Variants in PPP1R13L observed in about 807,000 individuals in gnomAD.
The protein encoded by PPP1R13L is protein phosphatase 1 regulatory subunit 13 like, also known as relA-associated inhibitor.
In PPP1R13L, 50 loss-of-function variants were observed where a neutral mutation model predicts 80.9. The observed-to-expected ratio is 0.62, with a 90% CI of 0.49 to 0.78. The LOEUF (loss-of-function observed/expected upper bound fraction) is 0.78. Ranked by LOEUF, PPP1R13L falls within the 30% of genes least tolerant of loss-of-function variation. The probability of loss-of-function intolerance (pLI) is 0.00; values close to 1 mark genes in which losing one functional copy is unlikely to be tolerated. For synonymous variants in PPP1R13L, 602 were observed against 534.3 expected (o/e 1.13, Z -1.75); for missense variants, 1,200 against 1,205.9 (o/e 1.00, Z 0.07).
Position 45,397,000 on chromosome 19 carries a change from C to T in PPP1R13L, c.257G>A (p.Arg86Gln), listed in dbSNP as rs761732935. The change falls in exon 4 of 13, where the codon CGG becomes CAG. Residue 86 changes from arginine (R) to glutamine (Q), a missense_variant. By Grantham distance (43) the Arg-to-Gln change is conservative. Coordinates refer to ENST00000360957, the MANE Select transcript of PPP1R13L (RefSeq NM_006663.4). The surrounding 1 kb of genome is among the most constrained non-coding windows in gnomAD (Gnocchi z 5.3). ...GTCTGCGCCGTCGGTGGCCGCCTTC[C>T]GGGGGGACCCTCGGCTGCCGAAGGG... is the stretch of plus-strand genomic sequence containing the variant. ...PEPFGSRGSP[R>Q]KAATDGADTP... 5 of 1,374,148 alleles carry T rather than the reference C, an allele frequency of 3.6e-6. No homozygotes were observed. The highest frequency in any genetic ancestry group is 1.5e-5 in the African/African-American group (1 of 66,662). 85.1% of individuals were successfully genotyped at this position (1,374,148 alleles called of 1,614,324 possible).
chr19:45,396,613 G>T lies in PPP1R13L; in HGVS notation c.644C>A (p.Ala215Glu), dbSNP rs1451238810. The change falls in exon 4 of 13, where the codon GCG becomes GAG. Residue 215 changes from alanine (A) to glutamate (E), a missense_variant. Around this residue, in one of 5 missense-constraint regions of PPP1R13L, gnomAD observed 764 missense variants for 714.5 expected, o/e 1.07. Coordinates refer to ENST00000360957, the MANE Select transcript of PPP1R13L (RefSeq NM_006663.4). This position sits in a 1 kb window ranked among gnomAD's most constrained non-coding sequence, Gnocchi z 5.3. ...TAGCAGGGAGCTCCCGAAGGCGGACGCTGGCGCGTCGTAGGCTGTGGCAGG... is the reference window on the plus strand; with the variant it reads ...TAGCAGGGAGCTCCCGAAGGCGGACTCTGGCGCGTCGTAGGCTGTGGCAGG... The part of the protein sequence containing the change: ...RPPATAYDAP[A>E]SAFGSSLLGS... 2 of 1,495,266 alleles carry T rather than the reference G, an allele frequency of 1.3e-6. No homozygotes were observed. The allele number at this position is 1,495,266 out of a possible 1,614,324, so 92.6% of individuals were successfully genotyped here.
chr19:45,386,704 C>A (rs1972878206), intron 8 of PPP1R13L, among the ~76,000 whole-genome samples: 2 of 148,834 alleles, frequency 1.3e-5, no homozygotes, highest in African/African-American at 4.9e-5. Flanking sequence ...GGTGTGATCT[C>A]AGCTCACTGC....
intron 8 of PPP1R13L, among the ~76,000 whole-genome samples, chr19:45,391,364 T>C (rs1308760520): frequency 6.6e-6 from 1 of 152,180 alleles, no homozygotes; most frequent in Non-Finnish European, 1.5e-5. Context: ...TGACTCGAGA[T>C]TGCTGAAGGA....
In PPP1R13L at chr19:45,391,993, G is replaced by A. The variant is rs756188321; in HGVS notation, c.1702C>T (p.Pro568Ser). The A allele has an allele frequency of 3.9e-6, 6 of 1,531,274 alleles. No individual in the cohort carries two copies. In the Middle Eastern group the frequency reaches 7.1e-4, roughly 181 times the overall value. The allele number at this position is 1,531,274 out of a possible 1,614,324, so 94.9% of individuals were successfully genotyped here. ...CTGGCCTCAGATCCCTCAGTGATGG[G>A]GGACAGCTCTGGCTCCGGCCCCCCG... ...GPGGPEPELS[P>S]ITEGSEARAG... The change falls in exon 8 of 13, where the codon CCC (proline) becomes TCC (serine). Residue 568 changes from proline to serine, a missense_variant. Physicochemically the swap from Pro to Ser is moderately conservative, Grantham distance 74. Around this residue, in one of 5 missense-constraint regions of PPP1R13L, gnomAD observed 214 missense variants for 199.6 expected, o/e 1.07. Transcript: ENST00000360957.
chr19:45,380,868 T>TA (rs904943481), intron 12 of PPP1R13L, among the ~76,000 whole-genome samples: 4 of 146,614 alleles, frequency 2.7e-5, no homozygotes, highest in Non-Finnish European at 6.0e-5. Context: ...AAAACCAAAA[T>TA]AAAAAAATCT....
intron 8 of PPP1R13L, among the ~76,000 whole-genome samples, chr19:45,390,376 C>T (rs1362529068): frequency 6.6e-6 from 1 of 152,138 alleles, no homozygotes; most frequent in East Asian, 1.9e-4. Context: ...GACCTTGGCG[C>T]CACCATCTGG....
rs767274852 is a variant in PPP1R13L, at chr19:45,396,418, C to T, written c.731G>A (p.Arg244Gln). The change falls in exon 5 of 13, where the codon CGG (arginine) becomes CAG (glutamine). Residue 244 changes from arginine to glutamine, a missense_variant. Physicochemically the swap from Arg to Gln is conservative, Grantham distance 43 (BLOSUM62 1). Coordinates refer to ENST00000360957, the MANE Select transcript of PPP1R13L (RefSeq NM_006663.4). This position sits in a 1 kb window ranked among gnomAD's most constrained non-coding sequence, Gnocchi z 5.3. ...LRAQDDLTLR[R>Q]RPPKAWNESD... is the part of the protein sequence containing the mutation. ...CTCGTTCCAGGCTTTCGGAGGCCGC[C>T]GGCGCAGCGTCAGGTCGTCTGGGGA... 1.2e-6 allele frequency: 2 copies of T among 1,613,914 alleles called. No homozygotes were observed. The highest frequency in any genetic ancestry group is 2.2e-5 in the East Asian group (1 of 44,870).
chr19:45,380,121 G>T lies in PPP1R13L; in HGVS notation c.*69C>A. On this transcript the variant is annotated 3_prime_UTR_variant, in exon 13 of 13. Coordinates refer to ENST00000360957, the MANE Select transcript of PPP1R13L (RefSeq NM_006663.4). ...GTGCAGATAAAGGCAGCAAAAAACAGAGGGAGAGGTCTGGAGGGAAGGCAG... is the reference window on the plus strand; with the variant it reads ...GTGCAGATAAAGGCAGCAAAAAACATAGGGAGAGGTCTGGAGGGAAGGCAG... 1 of 1,567,070 alleles carries T rather than the reference G, an allele frequency of 6.4e-7. No homozygotes were observed.
At chr19:45,390,715 A>G (rs1331866762) in intron 8 of PPP1R13L, among the ~76,000 whole-genome samples, 1 of 151,892 alleles carries the variant, frequency 6.6e-6, no homozygotes, top group East Asian at 1.9e-4. Flanking sequence ...TCGTCCTGCT[A>G]CAGAATTACA....
At chr19:45,381,349 A>G (rs1341282130) in intron 12 of PPP1R13L, among the ~76,000 whole-genome samples, 1 of 151,730 alleles carries the variant, frequency 6.6e-6, no homozygotes, top group African/African-American at 2.4e-5. Context: ...GGTGTGAGCC[A>G]CCTGGCCGGG....
intron 7 of PPP1R13L, chr19:45,392,579 C>T (rs568241856): frequency 1.6e-6 from 1 of 624,954 alleles, no homozygotes; most frequent in African/African-American, 1.8e-5. Context: ...ATTGTAATCT[C>T]ACCACTGCTT....
chr19:45,380,437 A>T (rs1217120766), intron 12 of PPP1R13L, among the ~76,000 whole-genome samples: 1 of 152,166 alleles, frequency 6.6e-6, no homozygotes, highest in African/African-American at 2.4e-5. Context: ...GAATATTTCC[A>T]GTGTCTCCTA....
chr19:45,395,972 G>T (rs1299969074), intron 6 of PPP1R13L, 86 bp from the exon 7 acceptor site: 2 of 1,347,860 alleles, frequency 1.5e-6, no homozygotes, highest in East Asian at 5.0e-5. Context: ...AGGGAGAGGA[G>T]GTGAGGGAAG....
rs914678547 is a variant in PPP1R13L, at chr19:45,400,277, G to A, written c.-21-1938C>T. On this transcript the variant is annotated intron_variant, in intron 1 of 12. Transcript: ENST00000360957. ...AACAGGGAGGTGGCCAGGGGTGGAG[G>A]GGCAGCTGTGGTCACTGGCCCAGTG... Among the ~76,000 whole-genome samples, 17 of 151,884 alleles carry A rather than the reference G, an allele frequency of 1.1e-4. 1 individual carries two copies. Among genetic ancestry groups the A allele is most frequent in the African/African-American group, 3.4e-4 (14 of 41,420 alleles).
chr19:45,392,609 C>T, intron 7 of PPP1R13L: 1 of 562,236 alleles, frequency 1.8e-6, no homozygotes, highest in Non-Finnish European at 3.2e-6. Flanking sequence ...GATACACTGC[C>T]ATCTCCACAT....
chr19:45,403,126 T>C (rs1686823234), intron 1 of PPP1R13L, among the ~76,000 whole-genome samples: 1 of 152,202 alleles, frequency 6.6e-6, no homozygotes, highest in Admixed American at 6.5e-5. Context: ...AATTAATACC[T>C]TCGCCTCAAA....
intron 1 of PPP1R13L, among the ~76,000 whole-genome samples, chr19:45,399,541 G>T (rs1207982423): frequency 1.3e-5 from 2 of 150,502 alleles, no homozygotes; most frequent in Non-Finnish European, 3.0e-5. Flanking sequence ...GGAGAACGGC[G>T]TGAACCCGGG....
chr19:45,392,434 T>C (rs1426620731), intron 7 of PPP1R13L, 94 bp from the exon 8 acceptor site: 1 of 1,316,632 alleles, frequency 7.6e-7, no homozygotes, highest in Admixed American at 1.9e-5. Flanking sequence ...CAGCACATGA[T>C]TTTCTGTGTG....
rs755635421 is a variant in PPP1R13L, at chr19:45,396,268, C to T, written c.812-9G>A. Reference sequence around the variant, plus strand: ...TGCGAAGACGTCCAGGCCTGCGGGGCGGGAATCATTAGGGTCTGTGGGGCT... The same window carrying T: ...TGCGAAGACGTCCAGGCCTGCGGGGTGGGAATCATTAGGGTCTGTGGGGCT... On this transcript the variant is annotated splice_polypyrimidine_tract_variant and intron_variant, in intron 5 of 12. Transcript: ENST00000360957. The surrounding 1 kb of genome is among the most constrained non-coding windows in gnomAD (Gnocchi z 5.3). The T allele has an allele frequency of 3.7e-6, 6 of 1,612,474 alleles. No homozygotes were observed. In the South Asian group the frequency reaches 6.6e-5, roughly 18 times the overall value.
Sources: gnomAD v4.1 joint callset for allele counts (sites outside exome capture counted in the v4.1 genomes callset) on GRCh38, gnomAD v4.1.1 for gene constraint, gnomAD v4.1.1 regional missense constraint, Gnocchi (gnomAD v3.1) non-coding constraint, MANE v1.5 for transcripts, NCBI Gene and HGNC (gene_info 2026-07-23, HGNC 2026-07-21) for gene names.